The following ZNF609 variants were observed in gnomAD, a reference collection of about 807,000 sequenced individuals.
ZNF609 encodes the protein zinc finger protein 609.
In ZNF609, 11 loss-of-function variants were observed where a neutral mutation model predicts 109.5. That is an observed-to-expected ratio of 0.10 (90% CI 0.06 to 0.17). The LOEUF (loss-of-function observed/expected upper bound fraction) is 0.17, where lower values mean the gene tolerates loss of function less well. Among genes scored for constraint, ZNF609 ranks in the 10% least tolerant of loss-of-function variants. The pLI is 1.00. For missense variants in ZNF609, 1,559 were observed against 1,772.4 expected, an observed-to-expected ratio of 0.88 and a Z score of 2.16; for synonymous variants, 646 against 662.0, an observed-to-expected ratio of 0.98 and a Z score of 0.37.
intron 9 of ZNF609, 55 bp from the exon 10 acceptor site, chr15:64,681,637 G>A (rs1044680428): frequency 2.1e-5 from 8 of 383,446 alleles, no homozygotes; most frequent in Non-Finnish European, 3.8e-5. Flanking sequence ...GCCACCTTGT[G>A]GTTTTTTTAC....
At chr15:64,466,078 C>T (rs537194618) in intron 1 of ZNF609, among the ~76,000 whole-genome samples, 22 of 140,530 alleles carry the variant, frequency 1.6e-4, no homozygotes, top group African/African-American at 5.1e-4. Context: ...ATTGCGCCAT[C>T]GCACTCCAGC....
chr15:64,466,082 C>T (rs1016778984), intron 1 of ZNF609, among the ~76,000 whole-genome samples: 2 of 144,834 alleles, frequency 1.4e-5, no homozygotes, highest in Non-Finnish European at 3.0e-5. Flanking sequence ...CGCCATCGCA[C>T]TCCAGCCTGG....
At chr15:64,587,351 C>T (rs887402313) in intron 2 of ZNF609, among the ~76,000 whole-genome samples, 1 of 149,508 alleles carries the variant, frequency 6.7e-6, no homozygotes, top group Admixed American at 6.9e-5. Context: ...CTACCCTGAC[C>T]GTGTCATATC....
chr15:64,622,912 A>G lies in ZNF609; in HGVS notation c.833A>G (p.Glu278Gly), dbSNP rs1895899316. The G allele has an allele frequency of 1.2e-6, 2 of 1,614,162 alleles. No individual in the cohort carries two copies. Among genetic ancestry groups the G allele is most frequent in the South Asian group, 1.1e-5 (1 of 91,088 alleles). ...VVNNDISSPC[E>G]QIMVRTRSVG... is the part of the protein sequence containing the mutation. ...AACAATGACATCTCATCTCCCTGTGAGCAGATCATGGTTCGTACCCGATCA... is the reference window on the plus strand; with the variant it reads ...AACAATGACATCTCATCTCCCTGTGGGCAGATCATGGTTCGTACCCGATCA... The change falls in exon 3 of 10, where the codon GAG (glutamate) becomes GGG (glycine). Residue 278 changes from glutamate to glycine, a missense_variant. Coordinates refer to ENST00000326648, the MANE Select transcript of ZNF609 (RefSeq NM_015042.2).
At chr15:64,671,960 C>T (rs1896737288) in intron 4 of ZNF609, among the ~76,000 whole-genome samples, 1 of 150,422 alleles carries the variant, frequency 6.6e-6, no homozygotes, top group South Asian at 2.1e-4. Flanking sequence ...GCTATTTATG[C>T]CTCTTAATTT....
In ZNF609 at chr15:64,499,482, C is replaced by T. The variant is rs967793472; in HGVS notation, c.63C>T (p.Tyr21=). The T allele has an allele frequency of 3.1e-6, 5 of 1,614,002 alleles. No individual in the cohort carries two copies. The highest frequency in any genetic ancestry group is 3.4e-6 in the Non-Finnish European group (4 of 1,180,028). Residue 21 remains tyrosine (Y), a synonymous_variant, in exon 2 of 10, where the codon TAC becomes TAT. Coordinates refer to ENST00000326648, the MANE Select transcript of ZNF609 (RefSeq NM_015042.2). ...TGGATGCAAACCCGGTTGAGACATA[C>T]GACAGTGGGGATGAATGGGACATTG... ...KGVDANPVET[Y]DSGDEWDIGV...
chr15:64,588,857 C>T (rs187325385), intron 2 of ZNF609, among the ~76,000 whole-genome samples: 41 of 152,184 alleles, frequency 2.7e-4, no homozygotes, highest in African/African-American at 9.4e-4. Context: ...AGGCTGGTCT[C>T]GAACTCCTGA....
chr15:64,550,646 A>G (rs564578867), intron 2 of ZNF609, among the ~76,000 whole-genome samples: 1 of 152,120 alleles, frequency 6.6e-6, no homozygotes, highest in East Asian at 1.9e-4. Flanking sequence ...CACCAGCCTG[A>G]CCAACATGAC....
chr15:64,490,617 G>C (rs754872174), intron 1 of ZNF609, among the ~76,000 whole-genome samples: 3 of 152,020 alleles, frequency 2.0e-5, no homozygotes, highest in African/African-American at 7.2e-5. Flanking sequence ...CAGATAATCT[G>C]CCTCTGCTTT....
At chr15:64,557,946 A>G (rs1679848550) in intron 2 of ZNF609, among the ~76,000 whole-genome samples, 1 of 152,130 alleles carries the variant, frequency 6.6e-6, no homozygotes, top group East Asian at 1.9e-4. Context: ...GGCCTCCCAA[A>G]GTGCTGGGAT....
intron 2 of ZNF609, among the ~76,000 whole-genome samples, chr15:64,613,590 G>T (rs368363397): frequency 6.6e-6 from 1 of 152,044 alleles, no homozygotes; most frequent in African/African-American, 2.4e-5. Flanking sequence ...TTGCACTGTC[G>T]CACAGGCTGG....
chr15:64,619,128 T>TTG (rs1268484330), intron 2 of ZNF609, among the ~76,000 whole-genome samples: 2 of 152,196 alleles, frequency 1.3e-5, no homozygotes, highest in African/African-American at 4.8e-5. Context: ...TGCAGGTGTG[T>TTG]GCCAACACAC....
intron 2 of ZNF609, chr15:64,528,659 C>A (rs949304016): frequency 1.8e-6 from 2 of 1,111,482 alleles, no homozygotes; most frequent in Non-Finnish European, 2.7e-6. Flanking sequence ...GCTGGTGGTC[C>A]AGGGGTCTTA....
intron 2 of ZNF609, among the ~76,000 whole-genome samples, chr15:64,589,947 T>TA (rs1895265065): frequency 6.6e-6 from 1 of 152,214 alleles, no homozygotes; most frequent in Non-Finnish European, 1.5e-5. Context: ...TGGATACTGG[T>TA]AAAAAATTAG....
At position 64,675,176 on chromosome 15, in the gene ZNF609, A is replaced by C; in HGVS notation, c.2322A>C (p.Leu774=). The C allele has an allele frequency of 6.2e-7, 1 of 1,614,124 alleles. No homozygotes were observed. The highest frequency in any genetic ancestry group is 8.5e-7 in the Non-Finnish European group (1 of 1,180,010). Residue 774 remains leucine, a synonymous_variant, in exon 5 of 10, where the codon CTA becomes CTC. Transcript: ENST00000326648. ...SGDGMKMEGL[L]NGSSDPHQSR... ...ATGGGATGAAAATGGAGGGGCTCCTAAATGGCTCATCAGACCCCCACCAAA... is the reference window on the plus strand; with the variant it reads ...ATGGGATGAAAATGGAGGGGCTCCTCAATGGCTCATCAGACCCCCACCAAA...
chr15:64,613,783 C>T (rs530159216), intron 2 of ZNF609, among the ~76,000 whole-genome samples: 46 of 152,120 alleles, frequency 3.0e-4, no homozygotes, highest in African/African-American at 1.1e-3. Flanking sequence ...CTCCTGACCT[C>T]GTGATCCTCC....
chr15:64,661,579 G>A (rs1163626744), intron 3 of ZNF609, among the ~76,000 whole-genome samples: 5 of 152,108 alleles, frequency 3.3e-5, no homozygotes, highest in African/African-American at 4.8e-5. Context: ...AAATGCTGAT[G>A]TTTCCATTTG....
At chr15:64,461,221 G>C (rs886652561) in intron 1 of ZNF609, among the ~76,000 whole-genome samples, 2 of 118,240 alleles carry the variant, frequency 1.7e-5, no homozygotes, top group African/African-American at 2.9e-5. Flanking sequence ...TGGCGGGGGA[G>C]GGGGGGCGGG....
Position 64,668,473 on chromosome 15 carries a change from A to G in ZNF609, c.974-1873A>G, listed in dbSNP as rs541748920. The stretch of plus-strand genomic sequence containing the variant: ...ACTGAATATTATATTTAATGGTAAA[A>G]GACTGAATGGAGCCAAGTGTGGTGG... On this transcript the variant is annotated intron_variant, in intron 3 of 9. Transcript: ENST00000326648. 1.5e-4 allele frequency among the ~76,000 whole-genome samples: 23 copies of G among 152,296 alleles called. No individual in the cohort carries two copies. The South Asian group carries it at 1.7e-3, about 11-fold the overall frequency.
Sources: allele counts gnomAD v4.1 joint callset (sites outside exome capture counted in the v4.1 genomes callset), GRCh38; gene constraint gnomAD v4.1.1; transcripts MANE v1.5; gene names NCBI Gene and HGNC (gene_info 2026-07-23, HGNC 2026-07-21).